The following TMEM123 variants were observed in gnomAD, a reference collection of about 807,000 sequenced individuals.
TMEM123 encodes porimin.
A neutral mutation model predicts 19.7 loss-of-function variants in TMEM123; 16 were observed. That is an observed-to-expected ratio of 0.81 (90% confidence interval 0.55 to 1.23). The LOEUF is 1.23. Among genes scored for constraint, TMEM123 ranks in the 50% most tolerant of loss-of-function variants. The probability of loss-of-function intolerance (pLI) is 0.00; values close to 1 mark genes in which losing one functional copy is unlikely to be tolerated. For synonymous variants in TMEM123, 118 were observed against 99.4 expected, an observed-to-expected ratio of 1.19 and a Z score of -1.12; for missense variants, 313 against 257.8, an observed-to-expected ratio of 1.21 and a Z score of -1.47.
At chr11:102,399,995 A>T (rs191707669) in intron 4 of TMEM123, among the ~76,000 whole-genome samples, 2,977 of 152,216 alleles carry the variant, frequency 0.02, no homozygotes, top group Non-Finnish European at 0.033. Context: ...TCTGTTCTTA[A>T]ATTATCATTT....
chr11:102,401,708 AC>A lies in TMEM123; in HGVS notation c.449-17del, dbSNP rs759249858. The A allele has an allele frequency of 1.0e-5, 16 of 1,568,754 alleles. No homozygotes were observed. Among genetic ancestry groups the A allele is most frequent in the Admixed American group, 2.2e-5 (1 of 45,164 alleles). On this transcript the variant is annotated splice_polypyrimidine_tract_variant and intron_variant, in intron 3 of 4. Transcript: ENST00000398136. ...GTTGTTGTGACTAGAACAAAAGAAA[AC>A]AAAAAAGGGCTTTAGCGTTATTTTT...
intron 1 of TMEM123, chr11:102,452,205 T>G (rs1857948524): frequency 7.9e-6 from 2 of 253,418 alleles, no homozygotes; most frequent in Non-Finnish European, 1.5e-5. Context: ...TCGGCAAACA[T>G]TAACTTCAGG....
chr11:102,398,130 T>G lies in TMEM123; in HGVS notation c.*737A>C, dbSNP rs1305731304. The G allele has an allele frequency of 6.5e-6, 1 of 153,302 alleles. No homozygotes were observed. Among genetic ancestry groups the G allele is most frequent in the Non-Finnish European group, 1.5e-5 (1 of 68,832 alleles). The allele number at this position is 153,302 out of a possible 1,614,324, so 9.5% of individuals were successfully genotyped here. On this transcript the variant is annotated 3_prime_UTR_variant, in exon 5 of 5. Coordinates refer to ENST00000398136, the MANE Select transcript of TMEM123 (RefSeq NM_052932.3). ...ACTGACAACTAAGTCTTTAAAACATTATTATGTTAAACACTGCAGTTTACC... is the reference window on the plus strand; with the variant it reads ...ACTGACAACTAAGTCTTTAAAACATGATTATGTTAAACACTGCAGTTTACC...
At chr11:102,439,649 A>G (rs1295860801) in intron 2 of TMEM123, among the ~76,000 whole-genome samples, 1 of 152,204 alleles carries the variant, frequency 6.6e-6, no homozygotes, top group African/African-American at 2.4e-5. Context: ...TTCTCCTCCA[A>G]AGGAATGCAG....
intron 2 of TMEM123, among the ~76,000 whole-genome samples, chr11:102,442,767 C>A (rs1192888335): frequency 7.2e-5 from 11 of 152,180 alleles, no homozygotes; most frequent in Non-Finnish European, 1.6e-4. Context: ...TCCCTGTTTG[C>A]AGATGACATG....
At chr11:102,416,890 A>C (rs1952047589) in intron 2 of TMEM123, among the ~76,000 whole-genome samples, 1 of 152,102 alleles carries the variant, frequency 6.6e-6, no homozygotes, top group Admixed American at 6.6e-5. Context: ...GAACTAAAAA[A>C]ACCACGATCA....
At chr11:102,447,709 T>A (rs566571848) in intron 2 of TMEM123, among the ~76,000 whole-genome samples, 4 of 152,276 alleles carry the variant, frequency 2.6e-5, no homozygotes, top group Admixed American at 2.0e-4. Context: ...CATTTTGGAG[T>A]AATCCCTCTA....
intron 2 of TMEM123, among the ~76,000 whole-genome samples, chr11:102,425,583 C>CTTTT (rs1167174586): frequency 2.8e-5 from 3 of 107,934 alleles, no homozygotes; most frequent in Non-Finnish European, 5.8e-5. Flanking sequence ...TTTCTTTTTT[C>CTTTT]TTTTTTTTTT....
At chr11:102,412,950 G>C (rs1565349339) in intron 2 of TMEM123, among the ~76,000 whole-genome samples, 1 of 152,006 alleles carries the variant, frequency 6.6e-6, no homozygotes, top group Admixed American at 6.6e-5. Context: ...CAAAGGATGA[G>C]AAAATAAGTA....
At chr11:102,442,046 G>T (rs1431812440) in intron 2 of TMEM123, among the ~76,000 whole-genome samples, 1 of 152,206 alleles carries the variant, frequency 6.6e-6, no homozygotes, top group Non-Finnish European at 1.5e-5. Context: ...CTCTGAAATT[G>T]AGGCAATAAT....
chr11:102,440,353 G>A (rs1011416769), intron 2 of TMEM123, among the ~76,000 whole-genome samples: 13 of 152,246 alleles, frequency 8.5e-5, no homozygotes, highest in African/African-American at 2.2e-4. Flanking sequence ...CGGATGTCTC[G>A]GCAGAAACTC....
intron 2 of TMEM123, among the ~76,000 whole-genome samples, chr11:102,412,924 T>G (rs1392674056): frequency 6.6e-6 from 1 of 152,150 alleles, no homozygotes; most frequent in South Asian, 2.1e-4. Context: ...TACAGAAATC[T>G]TCACACGCTA....
chr11:102,448,106 C>T lies in TMEM123; in HGVS notation c.157+706G>A, dbSNP rs181104580. The T allele has an allele frequency of 7.6e-4, 300 of 393,298 alleles. 1 individual carries two copies. Among genetic ancestry groups the T allele is most frequent in the African/African-American group, 6.0e-3 (286 of 47,786 alleles). 24.4% of individuals were successfully genotyped at this position (393,298 alleles called of 1,614,324 possible). ...TAGCTCATTAGAGTCCATAAATATTCCCTGACTAAAAGTAAACAAAACAAG... is the reference window on the plus strand; with the variant it reads ...TAGCTCATTAGAGTCCATAAATATTTCCTGACTAAAAGTAAACAAAACAAG... On this transcript the variant is annotated intron_variant, in intron 2 of 4. Coordinates refer to ENST00000398136, the MANE Select transcript of TMEM123 (RefSeq NM_052932.3).
chr11:102,452,559 A>G lies in TMEM123; in HGVS notation c.65T>C (p.Leu22Pro). 3.8e-6 allele frequency: 6 copies of G among 1,571,208 alleles called. No homozygotes were observed. Among genetic ancestry groups the G allele is most frequent in the Non-Finnish European group, 5.2e-6 (6 of 1,162,974 alleles). Reference sequence around the variant, plus strand: ...TGCGCTTTCATGGGCGGCCCCCAGCAGCGCTAGCACCTGCAGCGTCCCCAG... The same window carrying G: ...TGCGCTTTCATGGGCGGCCCCCAGCGGCGCTAGCACCTGCAGCGTCCCCAG... ...LLLGTLQVLA[L>P]LGAAHESAAM... Residue 22 changes from leucine to proline, a missense_variant, in exon 1 of 5, where the codon CTG becomes CCG. Coordinates refer to ENST00000398136, the MANE Select transcript of TMEM123 (RefSeq NM_052932.3).
intron 2 of TMEM123, among the ~76,000 whole-genome samples, chr11:102,447,983 T>G (rs1857901206): frequency 6.6e-6 from 1 of 152,244 alleles, no homozygotes; most frequent in African/African-American, 2.4e-5. Flanking sequence ...ATGTATTTTA[T>G]GTCATGTATA....
At chr11:102,410,472 G>A (rs1465963528) in intron 2 of TMEM123, among the ~76,000 whole-genome samples, 6 of 146,792 alleles carry the variant, frequency 4.1e-5, no homozygotes, top group African/African-American at 1.0e-4. Flanking sequence ...ATTCCATTCC[G>A]TTTCCACAGA....
intron 2 of TMEM123, among the ~76,000 whole-genome samples, chr11:102,435,317 T>C (rs1034633375): frequency 2.0e-5 from 3 of 151,804 alleles, no homozygotes; most frequent in African/African-American, 7.3e-5. Flanking sequence ...TCACAGAAAA[T>C]ATACAAATGA....
At chr11:102,452,060 A>G (rs1467127198) in intron 1 of TMEM123, 2 of 152,868 alleles carry the variant, frequency 1.3e-5, no homozygotes, top group Non-Finnish European at 2.9e-5. Context: ...ACTGCATAAT[A>G]TTAGACGCTG....
At chr11:102,401,192 C>G (rs749779860) in intron 4 of TMEM123, among the ~76,000 whole-genome samples, 1 of 152,150 alleles carries the variant, frequency 6.6e-6, no homozygotes, top group Non-Finnish European at 1.5e-5. Flanking sequence ...CCACAACAGA[C>G]ACAGACATAC....
Sources: allele counts gnomAD v4.1 joint callset (sites outside exome capture counted in the v4.1 genomes callset), GRCh38; gene constraint gnomAD v4.1.1; transcripts MANE v1.5; gene names NCBI Gene and HGNC (gene_info 2026-07-23, HGNC 2026-07-21).